ENTREP2: variants seen among roughly 807,000 people sequenced by gnomAD.
ENTREP2 encodes the protein protein ENTREP2.
the ENTREP2 span, among the ~76,000 whole-genome samples, chr15:29,206,550 T>C: frequency 6.6e-6 from 1 of 151,958 alleles, no homozygotes; most frequent in South Asian, 2.1e-4. Context: ...ATACCACAGA[T>C]CACACCCCGC....
At chr15:29,587,973 G>A in the ENTREP2 span, among the ~76,000 whole-genome samples, 1 of 152,110 alleles carries the variant, frequency 6.6e-6, no homozygotes. Flanking sequence ...GTGTCTTTTT[G>A]TAATAATACT....
At chr15:29,304,253 G>A in the ENTREP2 span, among the ~76,000 whole-genome samples, 1 of 152,102 alleles carries the variant, frequency 6.6e-6, no homozygotes, top group Non-Finnish European at 1.5e-5. Flanking sequence ...AACTAACAAA[G>A]ATATTTGGGA....
chr15:29,425,088 G>A, the ENTREP2 span, among the ~76,000 whole-genome samples: 1 of 152,158 alleles, frequency 6.6e-6, no homozygotes, highest in East Asian at 1.9e-4. Flanking sequence ...GAGTGCAGTG[G>A]CATGATCTCC....
At chr15:29,302,927 G>T in the ENTREP2 span, among the ~76,000 whole-genome samples, 45 of 152,072 alleles carry the variant, frequency 3.0e-4, no homozygotes, top group Non-Finnish European at 5.0e-4. Flanking sequence ...CTGCACAGCC[G>T]CCTGCTGAGG....
At chr15:29,337,114 T>A in the ENTREP2 span, among the ~76,000 whole-genome samples, 102 of 152,250 alleles carry the variant, frequency 6.7e-4, no homozygotes, top group Middle Eastern at 3.4e-3. Context: ...GCAAGGAAAA[T>A]TAATTTGAGA....
chr15:29,650,215 G>A, the ENTREP2 span, among the ~76,000 whole-genome samples: 126 of 151,980 alleles, frequency 8.3e-4, 2 homozygotes, highest in East Asian at 0.023. Flanking sequence ...TTTCCCACCT[G>A]GGAAGCCAAT....
chr15:29,122,473 C>G, the ENTREP2 span: 1 of 152,224 alleles, frequency 6.6e-6, no homozygotes, highest in East Asian at 1.9e-4. Flanking sequence ...AAACCGGCCT[C>G]TCTCCTGCAG....
the ENTREP2 span, among the ~76,000 whole-genome samples, chr15:29,538,314 AG>A: frequency 1.3e-5 from 2 of 152,168 alleles, no homozygotes; most frequent in African/African-American, 4.8e-5. Flanking sequence ...TCAATTCAGC[AG>A]GGCTGGAGTT....
the ENTREP2 span, among the ~76,000 whole-genome samples, chr15:29,620,075 AATGTGGG>A: frequency 6.6e-6 from 1 of 152,086 alleles, no homozygotes; most frequent in Admixed American, 6.5e-5. Flanking sequence ...ATCTCATGCA[AATGTGGG>A]AACTGGTTAG....
the ENTREP2 span, among the ~76,000 whole-genome samples, chr15:29,619,327 G>A: frequency 6.6e-5 from 10 of 152,178 alleles, no homozygotes; most frequent in African/African-American, 2.4e-4. Context: ...AGGAGGCGGA[G>A]GTTGCAGTGA....
chr15:29,389,483 G>A, the ENTREP2 span, among the ~76,000 whole-genome samples: 8 of 152,110 alleles, frequency 5.3e-5, no homozygotes, highest in Non-Finnish European at 1.2e-4. Context: ...GCTTGGAACT[G>A]ACTGTGCATG....
chr15:29,234,697 A>C, the ENTREP2 span: 1 of 1,548,698 alleles, frequency 6.5e-7, no homozygotes, highest in South Asian at 1.1e-5. Context: ...GTACAGTCAT[A>C]ATCTCATAAG....
the ENTREP2 span, among the ~76,000 whole-genome samples, chr15:29,486,924 T>C: frequency 1.3e-5 from 2 of 152,102 alleles, no homozygotes; most frequent in South Asian, 4.1e-4. Flanking sequence ...GGTTGGTTAA[T>C]GGATACAAAG....
chr15:29,503,313 T>A, the ENTREP2 span, among the ~76,000 whole-genome samples: 97 of 152,300 alleles, frequency 6.4e-4, 2 homozygotes, highest in South Asian at 8.1e-3. Context: ...GTAAACATTA[T>A]GCTAAGTAAA....
the ENTREP2 span, among the ~76,000 whole-genome samples, chr15:29,238,243 T>C: frequency 6.6e-6 from 1 of 152,114 alleles, no homozygotes; most frequent in Non-Finnish European, 1.5e-5. Context: ...CTTTTTAAGG[T>C]GAAATTGACT....
At chr15:29,218,893 G>C in the ENTREP2 span, among the ~76,000 whole-genome samples, 7 of 152,196 alleles carry the variant, frequency 4.6e-5, no homozygotes, top group African/African-American at 1.4e-4. Flanking sequence ...AACCCTTCTA[G>C]ATGTTGGCTT....
At chr15:29,398,315 T>C in the ENTREP2 span, among the ~76,000 whole-genome samples, 1 of 151,934 alleles carries the variant, frequency 6.6e-6, no homozygotes, top group Admixed American at 6.6e-5. Flanking sequence ...GGGGTTCACG[T>C]CAGGAATGAA....
chr15:29,490,705 A>C, the ENTREP2 span, among the ~76,000 whole-genome samples: 3 of 152,172 alleles, frequency 2.0e-5, no homozygotes, highest in Admixed American at 2.0e-4. Context: ...TGCATTTACA[A>C]ACCTTGAGCT....
the ENTREP2 span, chr15:29,374,848 T>C: frequency 6.6e-6 from 1 of 152,226 alleles, no homozygotes; most frequent in Non-Finnish European, 1.5e-5. Flanking sequence ...TTTTTTCTTG[T>C]CTCAAATCTG....
Sources: allele counts gnomAD v4.1 joint callset (sites outside exome capture counted in the v4.1 genomes callset), GRCh38; gene constraint gnomAD v4.1.1; transcripts MANE v1.5; gene names NCBI Gene and HGNC (gene_info 2026-07-23, HGNC 2026-07-21).